USP34: variants seen among roughly 807,000 people sequenced by gnomAD.
USP34 encodes the protein ubiquitin specific peptidase 34.
USP34 carries 70 observed loss-of-function variants against 460.3 expected under a neutral mutation model. The ratio of observed to expected loss-of-function variants is 0.15; its 90% confidence interval spans 0.13 to 0.19. USP34 has a LOEUF of 0.19. Among genes scored for constraint, USP34 ranks in the 10% least tolerant of loss-of-function variants. The pLI, the probability that USP34 is intolerant of heterozygous loss-of-function variation, is 1.00. For synonymous variants in USP34, 1,647 were observed against 1,405.3 expected, an observed-to-expected ratio of 1.17 and a Z score of -3.85; for missense variants, 3,985 against 4,236.2, an observed-to-expected ratio of 0.94 and a Z score of 1.65.
intron 33 of USP34, among the ~76,000 whole-genome samples, chr2:61,290,691 CTTTG>C (rs1177273224): frequency 3.9e-5 from 6 of 152,184 alleles, no homozygotes; most frequent in Admixed American, 2.6e-4. Flanking sequence ...TGGAAATATT[CTTTG>C]TTTGGATGTT....
At chr2:61,412,832 T>C (rs199553165) in intron 2 of USP34, among the ~76,000 whole-genome samples, 26 of 142,102 alleles carry the variant, frequency 1.8e-4, no homozygotes, top group East Asian at 1.2e-3. Context: ...GAGGCCGCAG[T>C]GAGCCATCAT....
rs1291100283 is a variant in USP34, at chr2:61,281,087, T to C, written c.5151+3A>G. The C allele has an allele frequency of 1.9e-6, 3 of 1,612,748 alleles. No homozygotes were observed. Among genetic ancestry groups the C allele is most frequent in the Non-Finnish European group, 1.7e-6 (2 of 1,179,310 alleles). On this transcript the variant is annotated splice_donor_region_variant and intron_variant, in intron 38 of 79. Transcript: ENST00000398571. ...ACTGCTTCTAAACACAGTAAAATCT[T>C]ACCCTAATAGGTTTGAGTGCTTGAG...
intron 20 of USP34, among the ~76,000 whole-genome samples, chr2:61,330,898 CTG>C (rs1208224790): frequency 1.3e-5 from 2 of 152,050 alleles, no homozygotes; most frequent in Non-Finnish European, 2.9e-5. Context: ...TTTAAATTAA[CTG>C]TTAATTATTT....
chr2:61,199,515 CA>C (rs1306448535), intron 75 of USP34, among the ~76,000 whole-genome samples: 1 of 152,222 alleles, frequency 6.6e-6, no homozygotes. Flanking sequence ...CTCGGCCTCC[CA>C]AAGTGCTGGG....
intron 37 of USP34, among the ~76,000 whole-genome samples, chr2:61,282,393 A>G (rs1689561293): frequency 6.6e-6 from 1 of 152,238 alleles, no homozygotes; most frequent in Non-Finnish European, 1.5e-5. Context: ...TAATGCCAAG[A>G]TACAGCTAAT....
chr2:61,304,175 C>T (rs1197028418), intron 27 of USP34, among the ~76,000 whole-genome samples: 1 of 152,158 alleles, frequency 6.6e-6, no homozygotes, highest in Non-Finnish European at 1.5e-5. Flanking sequence ...GGATTACAGG[C>T]ATGAGCTACC....
At position 61,314,757 on chromosome 2, in the gene USP34, T is replaced by A; in HGVS notation, c.3383-13A>T. 6.3e-7 allele frequency: 1 copy of A among 1,575,714 alleles called. No homozygotes were observed. The highest frequency in any genetic ancestry group is 8.6e-7 in the Non-Finnish European group (1 of 1,165,638). On this transcript the variant is annotated splice_polypyrimidine_tract_variant and intron_variant, in intron 24 of 79. Coordinates refer to ENST00000398571, the MANE Select transcript of USP34 (RefSeq NM_014709.4). ...AAACCTGTTTTACCTGAAAGCCAAA[T>A]GTTTAGACACATATATTAGCCTTAT...
At chr2:61,280,536 C>T (rs760784029) in intron 38 of USP34, among the ~76,000 whole-genome samples, 188 bp from the exon 39 acceptor site, 26 of 151,750 alleles carry the variant, frequency 1.7e-4, no homozygotes, top group Non-Finnish European at 2.9e-4. Context: ...AAATGACAAA[C>T]GTAAGAACTT....
intron 5 of USP34, among the ~76,000 whole-genome samples, chr2:61,385,628 T>C (rs1351477553): frequency 1.6e-5 from 2 of 123,098 alleles, no homozygotes; most frequent in African/African-American, 3.2e-5. Flanking sequence ...GCCAAGATCA[T>C]GCCACTGCAC....
rs187498514 is a variant in USP34, at chr2:61,325,927, T to C, written c.2931-470A>G. Among the ~76,000 whole-genome samples, 80 of 152,366 alleles carry C rather than the reference T, an allele frequency of 5.3e-4. 1 individual carries two copies. The highest frequency in any genetic ancestry group is 1.9e-3 in the African/African-American group (78 of 41,594). On this transcript the variant is annotated intron_variant, in intron 20 of 79. Transcript: ENST00000398571. ...AAAAGTAGAGCTGATACAAAATTTGTATTTTTGAATGTTATTTCCAATCTA... is the reference window on the plus strand; with the variant it reads ...AAAAGTAGAGCTGATACAAAATTTGCATTTTTGAATGTTATTTCCAATCTA...
At chr2:61,438,547 C>G (rs1380999107) in intron 1 of USP34, among the ~76,000 whole-genome samples, 1 of 151,998 alleles carries the variant, frequency 6.6e-6, no homozygotes, top group African/African-American at 2.4e-5. Flanking sequence ...TTGCAGTGAA[C>G]CAAGATCACG....
intron 41 of USP34, among the ~76,000 whole-genome samples, chr2:61,270,854 T>G (rs1689192235): frequency 1.3e-5 from 2 of 152,210 alleles, no homozygotes; most frequent in Non-Finnish European, 2.9e-5. Flanking sequence ...CTCCTATACT[T>G]CCTAAAACAT....
chr2:61,400,372 G>A lies in USP34; in HGVS notation c.553-5139C>T, dbSNP rs1313402518. 2.0e-5 allele frequency among the ~76,000 whole-genome samples: 3 copies of A among 152,158 alleles called. No individual in the cohort carries two copies. The South Asian group carries it at 6.2e-4, about 32-fold the overall frequency. ...GATCCACCCGCCTCGGCCTCCCAAA[G>A]TGCTGGGATTACAGGTGTGAGCCAC... is the stretch of plus-strand genomic sequence containing the variant. On this transcript the variant is annotated intron_variant, in intron 3 of 79. Coordinates refer to ENST00000398571, the MANE Select transcript of USP34 (RefSeq NM_014709.4).
chr2:61,204,667 CT>C, intron 72 of USP34, 66 bp from the exon 73 acceptor site: 1 of 1,269,432 alleles, frequency 7.9e-7, no homozygotes, highest in Non-Finnish European at 1.1e-6. Context: ...TACTTTCCAT[CT>C]TACAAATCCT....
intron 53 of USP34, 131 bp from the exon 54 acceptor site, chr2:61,236,520 T>C: frequency 1.5e-6 from 1 of 663,622 alleles, no homozygotes; most frequent in Non-Finnish European, 2.4e-6. Flanking sequence ...TTTAAGTTCA[T>C]TTTGATTTTT....
chr2:61,418,838 G>A (rs913624706), intron 2 of USP34, among the ~76,000 whole-genome samples: 6 of 152,106 alleles, frequency 3.9e-5, no homozygotes, highest in Non-Finnish European at 5.9e-5. Context: ...TTATTACTAC[G>A]AGCTAACAAC....
At chr2:61,321,580 G>GA (rs1160888761) in intron 21 of USP34, among the ~76,000 whole-genome samples, 2 of 152,164 alleles carry the variant, frequency 1.3e-5, no homozygotes, top group Non-Finnish European at 2.9e-5. Flanking sequence ...GAATGTACCA[G>GA]AAACACCAAT....
intron 39 of USP34, 117 bp downstream of exon 39, chr2:61,280,127 C>A (rs1689490759): frequency 5.5e-6 from 3 of 549,158 alleles, no homozygotes; most frequent in Admixed American, 8.4e-5. Flanking sequence ...AGGACACCAC[C>A]ACCAAGTTAT....
At chr2:61,383,732 A>C (rs1693049126) in intron 5 of USP34, among the ~76,000 whole-genome samples, 1 of 152,172 alleles carries the variant, frequency 6.6e-6, no homozygotes, top group African/African-American at 2.4e-5. Flanking sequence ...ATAAAAAACA[A>C]AACAAAAACG....
Sources: allele counts gnomAD v4.1 joint callset (sites outside exome capture counted in the v4.1 genomes callset), GRCh38; gene constraint gnomAD v4.1.1; transcripts MANE v1.5; gene names NCBI Gene and HGNC (gene_info 2026-07-23, HGNC 2026-07-21).